Variants in CYP2C19 observed in about 807,000 individuals in gnomAD.
CYP2C19 encodes the protein cytochrome P450 family 2 subfamily C member 19.
A neutral mutation model predicts 40.9 loss-of-function variants in CYP2C19; 59 were observed. That is an observed-to-expected ratio of 1.44 (90% CI 1.17 to 1.79). The LOEUF (loss-of-function observed/expected upper bound fraction) is 1.79. Ranked by LOEUF, CYP2C19 falls within the 40% of genes most tolerant of loss-of-function variation. The pLI, the probability that CYP2C19 is intolerant of heterozygous loss-of-function variation, is 0.00. For missense variants in CYP2C19, 754 were observed against 596.9 expected (o/e 1.26, Z -2.74); for synonymous variants, 253 against 208.7 (o/e 1.21, Z -1.83).
rs187091323 is a variant in CYP2C19 at position 94,813,253 on chromosome 10, A to G, written c.820-7243A>G. On this transcript the variant is annotated intron_variant, in intron 5 of 8. Transcript: ENST00000371321. ...TATTCCTCTGGAAGCTTCGTCCTAG[A>G]GGGACACTTGCCAGATACCAGCCAA... Among the ~76,000 whole-genome samples the G allele has an allele frequency of 2.7e-3, 405 of 152,102 alleles. 6 individuals are homozygous for G. The highest frequency in any genetic ancestry group is 3.5e-3 in the East Asian group (18 of 5,164).
At chr10:94,829,190 C>T (rs1849285427) in intron 6 of CYP2C19, among the ~76,000 whole-genome samples, 2 of 152,198 alleles carry the variant, frequency 1.3e-5, no homozygotes, top group Non-Finnish European at 2.9e-5. Flanking sequence ...CTCTGTATTT[C>T]CTGAATCTGA....
chr10:94,827,319 G>T (rs546394343), intron 6 of CYP2C19, among the ~76,000 whole-genome samples: 1 of 152,106 alleles, frequency 6.6e-6, no homozygotes, highest in African/African-American at 2.4e-5. Flanking sequence ...GTAAGCTATT[G>T]ATTATTGCCA....
chr10:94,817,617 C>A (rs1313710103), intron 5 of CYP2C19, among the ~76,000 whole-genome samples: 26 of 145,326 alleles, frequency 1.8e-4, no homozygotes, highest in Non-Finnish European at 2.3e-4. Flanking sequence ...TCTTTTGTTG[C>A]CATTGCTTTT....
chr10:94,801,064 C>T (rs1055911084), intron 5 of CYP2C19, among the ~76,000 whole-genome samples: 2 of 152,154 alleles, frequency 1.3e-5, no homozygotes, highest in Admixed American at 6.5e-5. Flanking sequence ...AACAAGGTAC[C>T]GCAGTTGGAA....
intron 6 of CYP2C19, among the ~76,000 whole-genome samples, chr10:94,840,717 C>G (rs1415066414): frequency 6.6e-6 from 1 of 152,158 alleles, no homozygotes; most frequent in African/African-American, 2.4e-5. Context: ...GCCAGGAGTT[C>G]GGGACAACAG....
intron 5 of CYP2C19, among the ~76,000 whole-genome samples, chr10:94,796,465 C>T (rs1848689300): frequency 6.6e-6 from 1 of 152,128 alleles, no homozygotes; most frequent in Non-Finnish European, 1.5e-5. Context: ...TTAGGATTGA[C>T]TTGGCAATGT....
intron 5 of CYP2C19, among the ~76,000 whole-genome samples, chr10:94,818,806 T>G (rs985409638): frequency 2.0e-5 from 3 of 151,140 alleles, no homozygotes; most frequent in African/African-American, 7.3e-5. Flanking sequence ...ACGATGGGGT[T>G]TTCTAGATAA....
At chr10:94,813,945 G>A (rs1269016873) in intron 5 of CYP2C19, among the ~76,000 whole-genome samples, 2 of 150,816 alleles carry the variant, frequency 1.3e-5, no homozygotes, top group Non-Finnish European at 3.0e-5. Context: ...TGGTCTGTGG[G>A]TTGTGAAGAC....
At chr10:94,806,074 G>A (rs1018373869) in intron 5 of CYP2C19, among the ~76,000 whole-genome samples, 2 of 124,834 alleles carry the variant, frequency 1.6e-5, no homozygotes, top group Non-Finnish European at 3.2e-5. Flanking sequence ...CCACCGTCCC[G>A]TGGCAACCAA....
rs201132803 is a variant in CYP2C19, at chr10:94,842,909, T to A, written c.1034T>A (p.Met345Lys). 1.3e-5 allele frequency: 21 copies of A among 1,614,194 alleles called. No homozygotes were observed. The highest frequency in any genetic ancestry group is 1.6e-4 in the Middle Eastern group (1 of 6,062). ...CCCTGCATGCAGGACAGGGGCCACA[T>A]GCCCTACACAGATGCTGTGGTGCAC... ...RSPCMQDRGH[M>K]PYTDAVVHEV... Residue 345 changes from methionine (M) to lysine (K), a missense_variant, in exon 7 of 9, where the codon ATG becomes AAG. Physicochemically the swap from Met to Lys is moderately conservative, Grantham distance 95. Transcript: ENST00000371321.
At chr10:94,821,128 C>A (rs937849954) in intron 6 of CYP2C19, among the ~76,000 whole-genome samples, 5 of 152,020 alleles carry the variant, frequency 3.3e-5, no homozygotes, top group East Asian at 1.9e-4. Flanking sequence ...AAAAGGACAT[C>A]TTTGCACAGT....
At chr10:94,809,870 T>C (rs1848888307) in intron 5 of CYP2C19, among the ~76,000 whole-genome samples, 1 of 152,022 alleles carries the variant, frequency 6.6e-6, no homozygotes, top group South Asian at 2.1e-4. Context: ...ATTATGTTTG[T>C]GTGTGTTTGT....
At chr10:94,819,886 T>G (rs1849082908) in intron 5 of CYP2C19, among the ~76,000 whole-genome samples, 1 of 95,048 alleles carries the variant, frequency 1.1e-5, no homozygotes, top group Non-Finnish European at 2.1e-5. Flanking sequence ...CCTAACTCAT[T>G]TTATGAGGCC....
chr10:94,803,398 T>G (rs905881017), intron 5 of CYP2C19, among the ~76,000 whole-genome samples: 6 of 152,170 alleles, frequency 3.9e-5, no homozygotes, highest in Non-Finnish European at 7.4e-5. Flanking sequence ...AGATGGGACT[T>G]GTGAGCAAAA....
intron 5 of CYP2C19, among the ~76,000 whole-genome samples, chr10:94,795,036 G>T (rs911495277): frequency 6.6e-6 from 1 of 151,672 alleles, no homozygotes; most frequent in African/African-American, 2.4e-5. Context: ...TTAAGTTGTA[G>T]GGTACATGTG....
chr10:94,765,092 A>G (rs1014029954), intron 1 of CYP2C19, among the ~76,000 whole-genome samples: 2 of 152,140 alleles, frequency 1.3e-5, no homozygotes, highest in African/African-American at 4.8e-5. Context: ...GGGATTGTAG[A>G]GTAAGGATAG....
At position 94,781,855 on chromosome 10, in the gene CYP2C19, T is replaced by TC; in HGVS notation, c.680dup (p.Thr229AsnfsTer3). 1 of 1,473,742 alleles carries TC rather than the reference T, an allele frequency of 6.8e-7. No individual in the cohort carries two copies. The highest frequency in any genetic ancestry group is 2.7e-5 in the East Asian group (1 of 36,994). The allele number at this position is 1,473,742 out of a possible 1,614,324, so 91.3% of individuals were successfully genotyped here. ...AATTTTCCCACTATCATTGATTATT[T>TC]CCCGGGAACCCATAACAAATTACTT... On this transcript the variant is annotated frameshift_variant, in exon 5 of 9. Transcript: ENST00000371321. LOFTEE classifies it high-confidence loss of function.
At chr10:94,777,589 G>A (rs774616870) in intron 3 of CYP2C19, among the ~76,000 whole-genome samples, 2 of 152,262 alleles carry the variant, frequency 1.3e-5, no homozygotes, top group East Asian at 3.9e-4. Context: ...TGGACAAACT[G>A]TCTAGCCATA....
At chr10:94,836,664 G>A (rs987261952) in intron 6 of CYP2C19, among the ~76,000 whole-genome samples, 1 of 152,224 alleles carries the variant, frequency 6.6e-6, no homozygotes, top group African/African-American at 2.4e-5. Flanking sequence ...GGATAAGCCA[G>A]AATAAGCTGG....
Sources: allele counts gnomAD v4.1 joint callset (sites outside exome capture counted in the v4.1 genomes callset), GRCh38; gene constraint gnomAD v4.1.1; transcripts MANE v1.5; gene names NCBI Gene and HGNC (gene_info 2026-07-23, HGNC 2026-07-21).